The following DCTN5 variants were observed in gnomAD, a reference collection of about 807,000 sequenced individuals.
The protein encoded by DCTN5 is dynactin subunit 5.
In DCTN5, 14 loss-of-function variants were observed where a neutral mutation model predicts 23.5. That is an observed-to-expected ratio of 0.60 (90% CI 0.39 to 0.93). DCTN5 has a LOEUF of 0.93. Ranked by LOEUF, DCTN5 falls within the 40% of genes least tolerant of loss-of-function variation. The pLI, the probability that DCTN5 is intolerant of heterozygous loss-of-function variation, is 0.00. For missense variants in DCTN5, 156 were observed against 225.9 expected (o/e 0.69, Z 1.98); for synonymous variants, 67 against 79.6 (o/e 0.84, Z 0.84).
intron 2 of DCTN5, among the ~76,000 whole-genome samples, chr16:23,652,211 G>A (rs1308508411): frequency 1.3e-5 from 2 of 152,078 alleles, no homozygotes; most frequent in Non-Finnish European, 2.9e-5. Context: ...AGGTGTTCAG[G>A]CTAGCGATAA....
chr16:23,656,288 G>A (rs1452421461), intron 2 of DCTN5, among the ~76,000 whole-genome samples: 1 of 152,162 alleles, frequency 6.6e-6, no homozygotes, highest in Non-Finnish European at 1.5e-5. Flanking sequence ...AAAAACTCCA[G>A]TACTTCCTTA....
In DCTN5 at chr16:23,671,891, G is replaced by T. The variant is rs1477484143; in HGVS notation, c.*4747G>T. The T allele has an allele frequency of 6.6e-6, 1 of 152,186 alleles. No individual in the cohort carries two copies. Among genetic ancestry groups the T allele is most frequent in the Non-Finnish European group, 1.5e-5 (1 of 68,050 alleles). 9.4% of individuals were successfully genotyped at this position (152,186 alleles called of 1,614,324 possible). A position where few individuals can be genotyped will look rare whatever the true frequency, so the allele number is the denominator to read the frequency against. On this transcript the variant is annotated 3_prime_UTR_variant, in exon 6 of 6. Coordinates refer to ENST00000300087, the MANE Select transcript of DCTN5 (RefSeq NM_032486.4). ...TATCTTCACATCCATTGGGCATTGG[G>T]CAAATGGGTCATGCAGATGAAAACC...
At chr16:23,661,040 G>A (rs1967799843) in intron 3 of DCTN5, 130 bp from the exon 4 acceptor site, 1 of 492,284 alleles carries the variant, frequency 2.0e-6, no homozygotes, top group South Asian at 4.8e-5. Context: ...TCTAGCCTGA[G>A]GTTTCTTTCC....
At chr16:23,643,872 T>A (rs953102446) in intron 2 of DCTN5, among the ~76,000 whole-genome samples, 2 of 152,036 alleles carry the variant, frequency 1.3e-5, no homozygotes, top group East Asian at 3.9e-4. Flanking sequence ...AGAGAAAATA[T>A]CACAGGGTAT....
At chr16:23,642,678 G>A (rs1264514388) in intron 1 of DCTN5, 1 of 320,038 alleles carries the variant, frequency 3.1e-6, no homozygotes. Context: ...GTTGAGAAGG[G>A]GTCTCACTAT....
intron 2 of DCTN5, among the ~76,000 whole-genome samples, chr16:23,655,840 C>T (rs763918071): frequency 1.3e-5 from 2 of 152,156 alleles, no homozygotes; most frequent in African/African-American, 4.8e-5. Context: ...CCACCATTCC[C>T]GGCTGGATGG....
At chr16:23,655,080 C>G (rs1191866616) in intron 2 of DCTN5, among the ~76,000 whole-genome samples, 1 of 152,152 alleles carries the variant, frequency 6.6e-6, no homozygotes, top group East Asian at 1.9e-4. Flanking sequence ...GAATCATATA[C>G]TCTTTTATGT....
In DCTN5 at chr16:23,643,202, G is replaced by A. The variant is rs1038304367; in HGVS notation, c.117+179G>A. ...CTCCTTTTTGTTTTTTTTTTGTTTC[G>A]GTTTTTTTTGAGACAGTCTCACTCT... On this transcript the variant is annotated intron_variant, in intron 2 of 5. Coordinates refer to ENST00000300087, the MANE Select transcript of DCTN5 (RefSeq NM_032486.4). Among the ~76,000 whole-genome samples, 7 of 144,140 alleles carry A rather than the reference G, an allele frequency of 4.9e-5. No individual in the cohort carries two copies. In the East Asian group the frequency reaches 1.2e-3, roughly 25 times the overall value. The allele number at this position is 144,140 out of a possible 152,430, so 94.6% of individuals were successfully genotyped here. A position where few individuals can be genotyped will look rare whatever the true frequency, so the allele number is the denominator to read the frequency against.
At chr16:23,654,816 T>C (rs1409635125) in intron 2 of DCTN5, among the ~76,000 whole-genome samples, 1 of 152,186 alleles carries the variant, frequency 6.6e-6, no homozygotes, top group East Asian at 1.9e-4. Flanking sequence ...GAAATCTGCT[T>C]TTTTAGTGCC....
At chr16:23,663,670 C>G (rs910459598) in intron 4 of DCTN5, among the ~76,000 whole-genome samples, 1 of 151,980 alleles carries the variant, frequency 6.6e-6, no homozygotes. Context: ...GAGCCGAGAT[C>G]GCGCCACTGC....
rs781084962 is a variant in DCTN5 at position 23,670,271 on chromosome 16, G to C, written c.*3127G>C. ...TTTTACATGGCTGCACAGAGCCCTT[G>C]TGGTTATTTGGGGTTGGGGTGGTGG... On this transcript the variant is annotated 3_prime_UTR_variant, in exon 6 of 6. Transcript: ENST00000300087. The C allele has an allele frequency of 6.6e-6, 1 of 152,296 alleles. No individual in the cohort carries two copies. Among genetic ancestry groups the C allele is most frequent in the East Asian group, 1.9e-4 (1 of 5,192 alleles). The allele number at this position is 152,296 out of a possible 1,614,324, so 9.4% of individuals were successfully genotyped here.
Position 23,672,226 on chromosome 16 carries a change from CAG to C in DCTN5, c.*5084_*5085del, listed in dbSNP as rs755511603. 1.8e-4 allele frequency: 27 copies of C among 152,146 alleles called. No homozygotes were observed. The highest frequency in any genetic ancestry group is 4.1e-4 in the South Asian group (2 of 4,830). The allele number at this position is 152,146 out of a possible 1,614,324, so 9.4% of individuals were successfully genotyped here. Reference sequence around the variant, plus strand: ...TAGGTTCTTTTTATTTCAATAATAACAGAAACAACTGTCAAAACCATGTGCCT... The same window carrying C: ...TAGGTTCTTTTTATTTCAATAATAACAAACAACTGTCAAAACCATGTGCCT... On this transcript the variant is annotated 3_prime_UTR_variant, in exon 6 of 6. Coordinates refer to ENST00000300087, the MANE Select transcript of DCTN5 (RefSeq NM_032486.4).
chr16:23,661,424 A>G lies in DCTN5; in HGVS notation c.348+143A>G, dbSNP rs935661143. 9 of 594,954 alleles carry G rather than the reference A, an allele frequency of 1.5e-5. No homozygotes were observed. In the African/African-American group the frequency reaches 1.5e-4, roughly 10 times the overall value. 36.9% of individuals were successfully genotyped at this position (594,954 alleles called of 1,614,324 possible). A position where few individuals can be genotyped will look rare whatever the true frequency, so the allele number is the denominator to read the frequency against. On this transcript the variant is annotated intron_variant, in intron 4 of 5. Coordinates refer to ENST00000300087, the MANE Select transcript of DCTN5 (RefSeq NM_032486.4). Reference sequence around the variant, plus strand: ...CAGAGTTGGATTTTTCTTGACAGATATGGAATTTTTTCAGCTGGGTGCGGT... The same window carrying G: ...CAGAGTTGGATTTTTCTTGACAGATGTGGAATTTTTTCAGCTGGGTGCGGT...
chr16:23,657,573 T>C, intron 2 of DCTN5: 1 of 350,468 alleles, frequency 2.9e-6, no homozygotes, highest in Non-Finnish European at 5.6e-6. Context: ...CCCGAGTAGC[T>C]GGGATTACTG....
In DCTN5 at chr16:23,674,556, C is replaced by T. The variant is rs1324378365; in HGVS notation, c.*7412C>T. 1 of 152,228 alleles carries T rather than the reference C, an allele frequency of 6.6e-6. No homozygotes were observed. The highest frequency in any genetic ancestry group is 1.5e-5 in the Non-Finnish European group (1 of 68,046). The allele number at this position is 152,228 out of a possible 1,614,324, so 9.4% of individuals were successfully genotyped here. A position where few individuals can be genotyped will look rare whatever the true frequency, so the allele number is the denominator to read the frequency against. ...GCAACAGTGGACTGACAGCCTGACT[C>T]TACTTCCCTCACTTTTCTCCCAGCA... On this transcript the variant is annotated 3_prime_UTR_variant, in exon 6 of 6. Transcript: ENST00000300087.
chr16:23,663,582 A>C (rs553669426), intron 4 of DCTN5, among the ~76,000 whole-genome samples: 7 of 152,152 alleles, frequency 4.6e-5, no homozygotes, highest in Admixed American at 1.3e-4. Context: ...TGGGCATGGT[A>C]GCACATGCCT....
rs1036369534 is a variant in DCTN5, at chr16:23,672,640, A to G, written c.*5496A>G. ...GTCAGCAGAGTTGGGTTGGAATTCAAGCTTTGCCACCTGCTGGCTATAAAC... is the reference window on the plus strand; with the variant it reads ...GTCAGCAGAGTTGGGTTGGAATTCAGGCTTTGCCACCTGCTGGCTATAAAC... On this transcript the variant is annotated 3_prime_UTR_variant, in exon 6 of 6. Coordinates refer to ENST00000300087, the MANE Select transcript of DCTN5 (RefSeq NM_032486.4). The G allele has an allele frequency of 6.6e-6, 1 of 152,206 alleles. No individual in the cohort carries two copies. Among genetic ancestry groups the G allele is most frequent in the Non-Finnish European group, 1.5e-5 (1 of 68,046 alleles). 9.4% of individuals were successfully genotyped at this position (152,206 alleles called of 1,614,324 possible). A position where few individuals can be genotyped will look rare whatever the true frequency, so the allele number is the denominator to read the frequency against.
chr16:23,642,076 C>T lies in DCTN5; in HGVS notation c.48+486C>T, dbSNP rs540893022. On this transcript the variant is annotated intron_variant, in intron 1 of 5. Transcript: ENST00000300087. Reference sequence around the variant, plus strand: ...CGTCTCGAGTAGCTGGGATTACAGGCGCCCGCCACCACGCCCGGCTAATTT... The same window carrying T: ...CGTCTCGAGTAGCTGGGATTACAGGTGCCCGCCACCACGCCCGGCTAATTT... Among the ~76,000 whole-genome samples, 13 of 152,174 alleles carry T rather than the reference C, an allele frequency of 8.5e-5. 1 individual carries two copies. Among genetic ancestry groups the T allele is most frequent in the African/African-American group, 2.9e-4 (12 of 41,518 alleles).
rs982112257 is a variant in DCTN5, at chr16:23,670,605, A to G, written c.*3461A>G. On this transcript the variant is annotated 3_prime_UTR_variant, in exon 6 of 6. Transcript: ENST00000300087. ...CCTGGATGGTGACTATAGGTAGTCA[A>G]ATCCAGCTGGCTGGTCTCCTGGGGG... is the stretch of plus-strand genomic sequence containing the variant. 6.6e-6 allele frequency: 1 copy of G among 152,184 alleles called. No homozygotes were observed. The highest frequency in any genetic ancestry group is 1.5e-5 in the Non-Finnish European group (1 of 68,040). The allele number at this position is 152,184 out of a possible 1,614,324, so 9.4% of individuals were successfully genotyped here.
Sources: gnomAD v4.1 joint callset for allele counts (sites outside exome capture counted in the v4.1 genomes callset) on GRCh38, gnomAD v4.1.1 for gene constraint, MANE v1.5 for transcripts, NCBI Gene and HGNC (gene_info 2026-07-23, HGNC 2026-07-21) for gene names.